The following ERCC6L2 variants were observed in gnomAD, a reference collection of about 807,000 sequenced individuals.
ERCC6L2 encodes the protein ERCC excision repair 6 like 2.
In ERCC6L2, 77 loss-of-function variants were observed where a neutral mutation model predicts 132.0. The observed-to-expected ratio is 0.58, with a 90% CI of 0.49 to 0.71. The LOEUF (loss-of-function observed/expected upper bound fraction) is 0.71. Ranked by LOEUF, ERCC6L2 falls within the 30% of genes least tolerant of loss-of-function variation. The pLI is 0.00. For missense variants in ERCC6L2, 1,542 were observed against 1,837.6 expected (o/e 0.84, Z 2.94); for synonymous variants, 583 against 632.4 (o/e 0.92, Z 1.17).
chr9:95,940,618 C>G (rs1830754121), intron 11 of ERCC6L2, among the ~76,000 whole-genome samples: 2 of 151,988 alleles, frequency 1.3e-5, no homozygotes, highest in South Asian at 4.2e-4. Context: ...CCATTATACT[C>G]AGTATATACC....
intron 12 of ERCC6L2, among the ~76,000 whole-genome samples, chr9:95,952,905 G>A (rs998603162): frequency 1.8e-4 from 27 of 151,812 alleles, no homozygotes; most frequent in Admixed American, 1.4e-3. Context: ...AGCTAACATC[G>A]TACTCAGTGG....
At chr9:95,901,598 C>T (rs958517570) in intron 3 of ERCC6L2, among the ~76,000 whole-genome samples, 1 of 152,016 alleles carries the variant, frequency 6.6e-6, no homozygotes, top group East Asian at 1.9e-4. Flanking sequence ...CGGGGGAGGG[C>T]AGGGGGAGTT....
rs1827206571 is a variant in ERCC6L2 at position 95,875,693 on chromosome 9, A to T, written c.-346A>T. On this transcript the variant is annotated 5_prime_UTR_variant, in exon 1 of 19. Transcript: ENST00000653738. ...GCGGGGGTTAGGAGACGGAAGTCAG[A>T]GCCTAGGAAGATTTGGGGGTCGCCT... is the stretch of plus-strand genomic sequence containing the variant. 1 of 372,652 alleles carries T rather than the reference A, an allele frequency of 2.7e-6. No homozygotes were observed. Among genetic ancestry groups the T allele is most frequent in the African/African-American group, 2.1e-5 (1 of 48,622 alleles). 23.1% of individuals were successfully genotyped at this position (372,652 alleles called of 1,614,324 possible).
At chr9:95,964,043 C>T (rs1832037627) in intron 13 of ERCC6L2, among the ~76,000 whole-genome samples, 1 of 152,138 alleles carries the variant, frequency 6.6e-6, no homozygotes, top group South Asian at 2.1e-4. Context: ...CTGCCAGTTC[C>T]TCATCAGACC....
intron 19 of ERCC6L2, among the ~76,000 whole-genome samples, chr9:96,032,634 C>G (rs150217953): frequency 2.0e-5 from 3 of 152,190 alleles, no homozygotes; most frequent in African/African-American, 2.4e-5. Context: ...CACAAAAACT[C>G]GAAGCCACCC....
At chr9:96,038,019 C>T (rs1476247191) in intron 19 of ERCC6L2, among the ~76,000 whole-genome samples, 4 of 151,420 alleles carry the variant, frequency 2.6e-5, no homozygotes, top group Admixed American at 6.6e-5. Flanking sequence ...GATTGGCATG[C>T]GTGGGTAGGT....
intron 17 of ERCC6L2, among the ~76,000 whole-genome samples, chr9:95,997,731 A>C (rs1158600842): frequency 1.3e-5 from 2 of 152,240 alleles, no homozygotes; most frequent in Admixed American, 1.3e-4. Context: ...TTATTACTTG[A>C]ATCTTCATTA....
chr9:95,924,772 T>A (rs1830031635), intron 9 of ERCC6L2, among the ~76,000 whole-genome samples: 1 of 152,204 alleles, frequency 6.6e-6, no homozygotes, highest in South Asian at 2.1e-4. Flanking sequence ...TGATTAAATT[T>A]AATTTTATTT....
chr9:95,901,504 T>C (rs1301175933), intron 3 of ERCC6L2, among the ~76,000 whole-genome samples: 2 of 152,250 alleles, frequency 1.3e-5, no homozygotes, highest in African/African-American at 4.8e-5. Flanking sequence ...GACTTAGTCT[T>C]TCCAACTACC....
In ERCC6L2 at chr9:95,886,349, C is replaced by A. The variant is rs1357562781; in HGVS notation, c.471+5056C>A. On this transcript the variant is annotated intron_variant, in intron 2 of 18. Coordinates refer to ENST00000653738, the MANE Select transcript of ERCC6L2 (RefSeq NM_020207.7). ...TAATATGTATACATAGGATGATGAT[C>A]ATTTCATTTAAAAAAAAAATACATT... is the stretch of plus-strand genomic sequence containing the variant. Among the ~76,000 whole-genome samples the A allele has an allele frequency of 4.7e-5, 7 of 150,086 alleles. No individual in the cohort carries two copies. The Admixed American group carries it at 4.7e-4, about 10-fold the overall frequency.
At chr9:95,956,076 A>T (rs926558917) in intron 13 of ERCC6L2, 63 bp downstream of exon 13, 2 of 904,322 alleles carry the variant, frequency 2.2e-6, no homozygotes, top group East Asian at 5.4e-5. Flanking sequence ...AAAATTAGGA[A>T]CAAATTTGTG....
intron 19 of ERCC6L2, among the ~76,000 whole-genome samples, chr9:96,026,374 G>A (rs902349734): frequency 2.0e-5 from 3 of 152,152 alleles, no homozygotes; most frequent in Non-Finnish European, 4.4e-5. Context: ...TGGTAGCCAG[G>A]GCGCGGATCC....
intron 12 of ERCC6L2, among the ~76,000 whole-genome samples, chr9:95,949,325 G>T (rs1831216432): frequency 6.6e-6 from 1 of 152,058 alleles, no homozygotes; most frequent in South Asian, 2.1e-4. Flanking sequence ...AAATTTGAGG[G>T]AAAATATGGA....
At chr9:95,926,669 A>G (rs1237946646) in intron 9 of ERCC6L2, among the ~76,000 whole-genome samples, 2 of 152,248 alleles carry the variant, frequency 1.3e-5, no homozygotes, top group East Asian at 1.9e-4. Context: ...TTTTAGGGCA[A>G]TGAAACAATT....
At chr9:96,011,778 GA>G (rs946081256) in intron 18 of ERCC6L2, among the ~76,000 whole-genome samples, 37 of 152,054 alleles carry the variant, frequency 2.4e-4, no homozygotes, top group African/African-American at 8.9e-4. Context: ...AGAGGGAAGG[GA>G]AAAAAATGTC....
chr9:95,904,700 C>T (rs909140601), intron 3 of ERCC6L2, among the ~76,000 whole-genome samples: 5 of 152,254 alleles, frequency 3.3e-5, no homozygotes, highest in South Asian at 2.1e-4. Flanking sequence ...AATACTATTA[C>T]TACTTCTGCC....
chr9:95,875,923 G>C lies in ERCC6L2; in HGVS notation c.-116G>C. 8.8e-7 allele frequency: 1 copy of C among 1,140,798 alleles called. No individual in the cohort carries two copies. Among genetic ancestry groups the C allele is most frequent in the Non-Finnish European group, 1.3e-6 (1 of 793,706 alleles). The allele number at this position is 1,140,798 out of a possible 1,614,324, so 70.7% of individuals were successfully genotyped here. ...TTCGGGTTGCCGAAGAGCGATGCTC[G>C]GAGGGCGGCCGGAAGTGGCGTTGGC... On this transcript the variant is annotated 5_prime_UTR_variant, in exon 1 of 19. Transcript: ENST00000653738.
intron 17 of ERCC6L2, among the ~76,000 whole-genome samples, chr9:95,985,107 A>G (rs543708062): frequency 6.6e-6 from 1 of 152,296 alleles, no homozygotes; most frequent in African/African-American, 2.4e-5. Context: ...GTCTTCAGGG[A>G]TCACTCAGTT....
chr9:95,880,266 C>T (rs904254948), intron 1 of ERCC6L2, among the ~76,000 whole-genome samples: 25 of 152,126 alleles, frequency 1.6e-4, no homozygotes, highest in African/African-American at 5.1e-4. Context: ...GGCTTAGAGG[C>T]AACAATATTG....
Sources: gnomAD v4.1 joint callset for allele counts (sites outside exome capture counted in the v4.1 genomes callset) on GRCh38, gnomAD v4.1.1 for gene constraint, MANE v1.5 for transcripts, NCBI Gene and HGNC (gene_info 2026-07-23, HGNC 2026-07-21) for gene names.